The following ACOXL variants were observed in gnomAD, a reference collection of about 807,000 sequenced individuals.
The protein encoded by ACOXL is acyl-coenzyme A oxidase-like protein.
In ACOXL, 70 loss-of-function variants were observed where a neutral mutation model predicts 71.9. The ratio of observed to expected loss-of-function variants is 0.97; its 90% CI spans 0.80 to 1.19. ACOXL has a LOEUF of 1.19. ACOXL is among the 50% of genes most tolerant of loss of function. The pLI is 0.00. For missense variants in ACOXL, 703 were observed against 736.3 expected (o/e 0.95, Z 0.52); for synonymous variants, 253 against 281.6 (o/e 0.90, Z 1.02).
chr2:110,797,855 G>C (rs1267027326), intron 5 of ACOXL, among the ~76,000 whole-genome samples: 2 of 152,162 alleles, frequency 1.3e-5, no homozygotes, highest in Non-Finnish European at 2.9e-5. Context: ...AGAGGTTTTG[G>C]TGTTGGATGA....
intron 10 of ACOXL, among the ~76,000 whole-genome samples, chr2:110,894,332 C>CAA (rs11403220): frequency 5.3e-4 from 64 of 120,596 alleles, no homozygotes; most frequent in African/African-American, 7.0e-4. Flanking sequence ...AGGAACAGAC[C>CAA]AAAAAAAAAA....
At chr2:111,056,843 A>G (rs1438375845) in intron 16 of ACOXL, among the ~76,000 whole-genome samples, 1 of 151,880 alleles carries the variant, frequency 6.6e-6, no homozygotes, top group Non-Finnish European at 1.5e-5. Context: ...ATAGTAAGTC[A>G]GCAAAAGGGT....
At chr2:110,895,278 A>G (rs1574026976) in intron 10 of ACOXL, among the ~76,000 whole-genome samples, 1 of 152,188 alleles carries the variant, frequency 6.6e-6, no homozygotes, top group South Asian at 2.1e-4. Flanking sequence ...AACCTAAAGG[A>G]AAAACTAATT....
intron 12 of ACOXL, among the ~76,000 whole-genome samples, chr2:110,951,610 A>G (rs2061336079): frequency 6.6e-6 from 1 of 152,204 alleles, no homozygotes; most frequent in Non-Finnish European, 1.5e-5. Context: ...CTATTATGTT[A>G]AGGAAAAGCC....
At chr2:111,056,524 C>T (rs2066547663) in intron 16 of ACOXL, among the ~76,000 whole-genome samples, 1 of 151,960 alleles carries the variant, frequency 6.6e-6, no homozygotes, top group South Asian at 2.1e-4. Context: ...CATGGTGGCT[C>T]ACGCCTGTAA....
At chr2:110,923,690 T>G (rs1422142079) in intron 11 of ACOXL, among the ~76,000 whole-genome samples, 1 of 151,994 alleles carries the variant, frequency 6.6e-6, no homozygotes, top group African/African-American at 2.4e-5. Context: ...TCTCAGCACT[T>G]TGGGAGGCCG....
At position 111,038,568 on chromosome 2, in the gene ACOXL, A is replaced by G. The variant is rs187511727; in HGVS notation, c.1369+6854A>G. 1.3e-3 allele frequency among the ~76,000 whole-genome samples: 192 copies of G among 152,334 alleles called. 1 individual carries two copies. The highest frequency in any genetic ancestry group is 4.6e-3 in the African/African-American group (190 of 41,570). On this transcript the variant is annotated intron_variant, in intron 15 of 17. Transcript: ENST00000439055. ...ATTAGTACCAAAATTGATGGGCAAA[A>G]GTAACACCAAAAGTAAAAAAAGAAA...
intron 15 of ACOXL, among the ~76,000 whole-genome samples, chr2:111,045,863 G>T (rs1434560222): frequency 6.6e-6 from 1 of 152,200 alleles, no homozygotes; most frequent in African/African-American, 2.4e-5. Context: ...AACTCAGCCA[G>T]CCCACGAAGG....
chr2:111,053,828 C>T (rs2066410045), intron 16 of ACOXL, among the ~76,000 whole-genome samples: 1 of 152,226 alleles, frequency 6.6e-6, no homozygotes, highest in Admixed American at 6.5e-5. Context: ...AAGCCATCGC[C>T]TGCAGAGCCT....
chr2:110,798,347 C>G (rs1221243486), intron 5 of ACOXL, among the ~76,000 whole-genome samples: 2 of 151,702 alleles, frequency 1.3e-5, no homozygotes, highest in Non-Finnish European at 2.9e-5. Context: ...AGCTCTGCCT[C>G]CCAGGTTCAC....
chr2:110,759,557 A>G (rs1293350841), intron 1 of ACOXL, among the ~76,000 whole-genome samples: 4 of 152,014 alleles, frequency 2.6e-5, no homozygotes, highest in Non-Finnish European at 4.4e-5. Context: ...TTTTGAGCCC[A>G]TGTGTGTCTT....
rs1178013623 is a variant in ACOXL at position 110,771,466 on chromosome 2, T to G, written c.75+3002T>G. 2.0e-5 allele frequency among the ~76,000 whole-genome samples: 3 copies of G among 151,984 alleles called. No individual in the cohort carries two copies. In the East Asian group the frequency reaches 5.8e-4, roughly 29 times the overall value. On this transcript the variant is annotated intron_variant, in intron 2 of 17. Coordinates refer to ENST00000439055, the MANE Select transcript of ACOXL (RefSeq NM_001142807.4). ...CGATGAGCTCTGAGGCAGAACGCGG[T>G]GTATAATGTGTAATGATGATGTTCT...
At chr2:110,907,282 A>G (rs145468602) in intron 10 of ACOXL, among the ~76,000 whole-genome samples, 68 of 152,300 alleles carry the variant, frequency 4.5e-4, no homozygotes, top group African/African-American at 1.5e-3. Flanking sequence ...ATTCTATCAG[A>G]TAGGATCCTT....
At chr2:110,768,702 C>T (rs1681465028) in intron 2 of ACOXL, among the ~76,000 whole-genome samples, 1 of 152,124 alleles carries the variant, frequency 6.6e-6, no homozygotes, top group African/African-American at 2.4e-5. Context: ...ACCCTTCTCC[C>T]ACCCTCCTCT....
At chr2:110,733,827 A>G (rs1676499222) in intron 1 of ACOXL, among the ~76,000 whole-genome samples, 1 of 152,186 alleles carries the variant, frequency 6.6e-6, no homozygotes, top group Non-Finnish European at 1.5e-5. Context: ...TCTTTAAGTT[A>G]TGGTTCTCAA....
chr2:110,946,134 C>CT (rs1237190834), intron 12 of ACOXL, among the ~76,000 whole-genome samples: 1 of 152,108 alleles, frequency 6.6e-6, no homozygotes, highest in Non-Finnish European at 1.5e-5. Context: ...TAGCTTTATT[C>CT]TTTTTGTGGC....
intron 10 of ACOXL, among the ~76,000 whole-genome samples, chr2:110,871,739 A>G (rs1046491517): frequency 1.3e-5 from 2 of 152,186 alleles, no homozygotes; most frequent in African/African-American, 4.8e-5. Flanking sequence ...GTCAGAGATG[A>G]GAGCGCCATA....
At chr2:110,851,981 G>T (rs1223117989) in intron 10 of ACOXL, among the ~76,000 whole-genome samples, 1 of 152,222 alleles carries the variant, frequency 6.6e-6, no homozygotes, top group East Asian at 1.9e-4. Flanking sequence ...GACGGAGAGA[G>T]AATGAGCTTG....
intron 1 of ACOXL, among the ~76,000 whole-genome samples, chr2:110,737,977 T>A (rs867923374): frequency 2.0e-5 from 3 of 152,362 alleles, no homozygotes; most frequent in Admixed American, 6.5e-5. Context: ...GTTTTATGAC[T>A]GCTTTGGTCA....
Sources: allele counts gnomAD v4.1 joint callset (sites outside exome capture counted in the v4.1 genomes callset), GRCh38; gene constraint gnomAD v4.1.1; transcripts MANE v1.5; gene names NCBI Gene and HGNC (gene_info 2026-07-23, HGNC 2026-07-21).